The following RBM4 variants were observed in gnomAD, a reference collection of about 807,000 sequenced individuals.
The protein encoded by RBM4 is RNA binding motif protein 4.
RBM4 carries 7 observed loss-of-function variants against 29.5 expected under a neutral mutation model. The ratio of observed to expected loss-of-function variants is 0.24; its 90% CI spans 0.14 to 0.45. The LOEUF (loss-of-function observed/expected upper bound fraction) is 0.45. Among genes scored for constraint, RBM4 ranks in the 20% least tolerant of loss-of-function variants. The probability of loss-of-function intolerance (pLI) is 1.00; values close to 1 mark genes in which losing one functional copy is unlikely to be tolerated. For missense variants in RBM4, 387 were observed against 502.3 expected (o/e 0.77, Z 2.19); for synonymous variants, 220 against 205.4 (o/e 1.07, Z -0.61).
intron 2 of RBM4, among the ~76,000 whole-genome samples, chr11:66,657,728 C>T (rs1241103207): frequency 1.3e-5 from 2 of 150,842 alleles, no homozygotes; most frequent in Admixed American, 6.6e-5. Flanking sequence ...TGAGCCACCT[C>T]GCCTGCCCCC....
downstream of RBM4, among the ~76,000 whole-genome samples, chr11:66,647,231 A>G (rs1293708575): frequency 1.3e-5 from 2 of 152,252 alleles, no homozygotes; most frequent in African/African-American, 2.4e-5. Flanking sequence ...GAATCATTCA[A>G]CAAATACTGA....
intron 1 of RBM4, chr11:66,638,992 C>A (rs913107059): frequency 1.2e-4 from 18 of 151,974 alleles, no homozygotes; most frequent in African/African-American, 3.9e-4. Context: ...CTTGGAGCCT[C>A]GAGATTTCCA....
chr11:66,657,018 G>T (rs1189269420), intron 2 of RBM4, among the ~76,000 whole-genome samples: 1 of 149,384 alleles, frequency 6.7e-6, no homozygotes, highest in Non-Finnish European at 1.5e-5. Flanking sequence ...TGTTCCCATT[G>T]TTGCAATCAA....
At position 66,643,604 on chromosome 11, in the gene RBM4, A is replaced by G. The variant is rs531808459; in HGVS notation, c.567A>G (p.Gln189=). 1.7e-5 allele frequency: 28 copies of G among 1,614,194 alleles called. No individual in the cohort carries two copies. The highest frequency in any genetic ancestry group is 1.5e-4 in the Admixed American group (9 of 60,026). The change falls in exon 3 of 4, where the codon CAA becomes CAG. Residue 189 remains glutamine (Q), a synonymous_variant. Coordinates refer to ENST00000310092, the MANE Select transcript of RBM4 (RefSeq NM_002896.4). The surrounding 1 kb of genome is among the most constrained non-coding windows in gnomAD (Gnocchi z 6.1). ...GCCGCGTGGCAGACTTGACCGAGCA[A>G]TATAATGAGCAATACGGAGCAGTGC... is the stretch of plus-strand genomic sequence containing the variant. ...RSGRVADLTE[Q]YNEQYGAVRT...
intron 2 of RBM4, 76 bp downstream of exon 2, chr11:66,640,199 G>A: frequency 1.3e-6 from 2 of 1,583,508 alleles, no homozygotes; most frequent in Non-Finnish European, 1.7e-6. Flanking sequence ...AAAAGGAGAG[G>A]TTTGGTAAAG....
downstream of RBM4, among the ~76,000 whole-genome samples, chr11:66,648,661 TAA>T (rs1201023908): frequency 1.3e-5 from 2 of 151,718 alleles, no homozygotes; most frequent in African/African-American, 4.8e-5. Context: ...CTGAAAAATA[TAA>T]GTTAGCCGGG....
At position 66,643,895 on chromosome 11, in the gene RBM4, T is replaced by A; in HGVS notation, c.858T>A (p.Ala286=). 6.2e-7 allele frequency: 1 copy of A among 1,611,614 alleles called. No homozygotes were observed. The highest frequency in any genetic ancestry group is 8.5e-7 in the Non-Finnish European group (1 of 1,179,206). Reference sequence around the variant, plus strand: ...CGACCTCAGGAGCTGCTGCCACAGCTGCTGCTGCAGCAGCAGCCGCTGCTG... The same window carrying A: ...CGACCTCAGGAGCTGCTGCCACAGCAGCTGCTGCAGCAGCAGCCGCTGCTG... ...LLPTSGAAAT[A]AAAAAAAAAV... Residue 286 remains alanine (A), a synonymous_variant, in exon 3 of 4, where the codon GCT becomes GCA. Transcript: ENST00000310092. This position sits in a 1 kb window ranked among gnomAD's most constrained non-coding sequence, Gnocchi z 6.1.
downstream of RBM4, among the ~76,000 whole-genome samples, chr11:66,650,295 G>A (rs1170365275): frequency 1.3e-5 from 2 of 152,194 alleles, no homozygotes; most frequent in East Asian, 1.9e-4. Flanking sequence ...CCAGCCAGGC[G>A]TGGTGGCTCA....
chr11:66,650,309 C>T (rs987791573), downstream of RBM4, among the ~76,000 whole-genome samples: 2 of 152,226 alleles, frequency 1.3e-5, no homozygotes, highest in Admixed American at 1.3e-4. Context: ...TGGCTCAACG[C>T]CTGTAATCCC....
intron 2 of RBM4, among the ~76,000 whole-genome samples, chr11:66,663,983 A>AT (rs1939143478): frequency 6.6e-6 from 1 of 151,818 alleles, no homozygotes; most frequent in Non-Finnish European, 1.5e-5. Context: ...CCTACCACCT[A>AT]TTACTGAAGC....
At chr11:66,644,510 TC>T in intron 3 of RBM4, 3 of 266,466 alleles carry the variant, frequency 1.1e-5, no homozygotes, top group Non-Finnish European at 1.9e-5. Context: ...TTGTTAAGTT[TC>T]CTACGTGTGC....
intron 2 of RBM4, among the ~76,000 whole-genome samples, chr11:66,658,000 G>A (rs953186538): frequency 2.6e-5 from 4 of 151,752 alleles, no homozygotes; most frequent in African/African-American, 9.7e-5. Context: ...GATTACAGGC[G>A]TGAGCCACCT....
intron 2 of RBM4, among the ~76,000 whole-genome samples, chr11:66,654,522 G>A (rs1938902307): frequency 6.6e-6 from 1 of 151,832 alleles, no homozygotes; most frequent in Non-Finnish European, 1.5e-5. Context: ...TTATTTTTGA[G>A]ACAAGGTCTC....
At chr11:66,659,263 CTT>C (rs767959263) in intron 2 of RBM4, among the ~76,000 whole-genome samples, 2 of 67,308 alleles carry the variant, frequency 3.0e-5, no homozygotes, top group Admixed American at 2.1e-4. Context: ...CTTCTTGGTT[CTT>C]TTTTTTTTTT....
rs566430381 is a variant in RBM4 at position 66,640,053 on chromosome 11, C to T, written c.342C>T (p.Ala114=). The change falls in exon 2 of 4, where the codon GCC becomes GCT. Residue 114 remains alanine (A), a synonymous_variant. Transcript: ENST00000310092. ...VIECDIVKDY[A]FVHMERAEDA... is the part of the protein sequence containing the mutation. ...AATGTGACATCGTGAAAGATTATGC[C>T]TTCGTACACATGGAGCGGGCAGAGG... The T allele has an allele frequency of 3.1e-5, 50 of 1,614,180 alleles. No homozygotes were observed. The highest frequency in any genetic ancestry group is 1.3e-4 in the Admixed American group (8 of 60,028).
intron 2 of RBM4, chr11:66,665,541 T>C: frequency 6.6e-7 from 1 of 1,507,064 alleles, no homozygotes; most frequent in Non-Finnish European, 8.9e-7. Context: ...TTCTCATATA[T>C]GACCGCAGCC....
At chr11:66,656,193 G>A (rs1938946105) in intron 2 of RBM4, among the ~76,000 whole-genome samples, 1 of 151,930 alleles carries the variant, frequency 6.6e-6, no homozygotes, top group African/African-American at 2.4e-5. Context: ...CTGGAGTGCA[G>A]TGGCACAATC....
intron 2 of RBM4, among the ~76,000 whole-genome samples, chr11:66,654,205 T>A (rs1041701925): frequency 2.0e-5 from 3 of 152,068 alleles, no homozygotes; most frequent in East Asian, 3.9e-4. Context: ...AAGAATTTTA[T>A]TTTTGGCCGG....
At position 66,639,951 on chromosome 11, in the gene RBM4, G is replaced by T; in HGVS notation, c.240G>T (p.Leu80Phe). The stretch of plus-strand genomic sequence containing the variant: ...ATAAGAGCAAAACCTCAACAAAGTT[G>T]CATGTGGGCAACATCAGTCCCACCT... ...SKNKSKTSTK[L>F]HVGNISPTCT... The change falls in exon 2 of 4, where the codon TTG becomes TTT. Residue 80 changes from leucine (L) to phenylalanine (F), a missense_variant. By Grantham distance (22) the Leu-to-Phe change is conservative (BLOSUM62 0). Around this residue, in one of 2 missense-constraint regions of RBM4, gnomAD observed 106 missense variants for 213.6 expected, o/e 0.50. Transcript: ENST00000310092. 1 of 1,614,208 alleles carries T rather than the reference G, an allele frequency of 6.2e-7. No individual in the cohort carries two copies. The highest frequency in any genetic ancestry group is 8.5e-7 in the Non-Finnish European group (1 of 1,180,046).
Sources: allele counts gnomAD v4.1 joint callset (sites outside exome capture counted in the v4.1 genomes callset), GRCh38; gene constraint gnomAD v4.1.1; regional missense constraint gnomAD v4.1.1; non-coding constraint Gnocchi (gnomAD v3.1); transcripts MANE v1.5; gene names NCBI Gene and HGNC (gene_info 2026-07-23, HGNC 2026-07-21).